PCCA: variants seen among roughly 807,000 people sequenced by gnomAD.
PCCA encodes the protein propionyl-CoA carboxylase subunit alpha.
A neutral mutation model predicts 101.3 loss-of-function variants in PCCA; 74 were observed. The ratio of observed to expected loss-of-function variants is 0.73; its 90% CI spans 0.61 to 0.89. The LOEUF (loss-of-function observed/expected upper bound fraction) is 0.89, where lower values mean the gene tolerates loss of function less well. Ranked by LOEUF, PCCA falls within the 40% of genes least tolerant of loss-of-function variation. The pLI is 0.00. For missense variants in PCCA, 891 were observed against 907.0 expected, an observed-to-expected ratio of 0.98 and a Z score of 0.23; for synonymous variants, 294 against 313.6, an observed-to-expected ratio of 0.94 and a Z score of 0.66.
chr13:100,326,714 G>T (rs1052719636), intron 16 of PCCA, among the ~76,000 whole-genome samples: 8 of 151,900 alleles, frequency 5.3e-5, no homozygotes, highest in African/African-American at 1.7e-4. Context: ...ACCTGAAGAG[G>T]AGGAGGAAGA....
At position 100,197,285 on chromosome 13, in the gene PCCA, G is replaced by A. The variant is rs572933115; in HGVS notation, c.469-12047G>A. Among the ~76,000 whole-genome samples the A allele has an allele frequency of 8.5e-5, 13 of 152,194 alleles. No individual in the cohort carries two copies. The East Asian group carries it at 2.5e-3, about 29-fold the overall frequency. On this transcript the variant is annotated intron_variant, in intron 6 of 23. Transcript: ENST00000376285. Reference sequence around the variant, plus strand: ...TGCAGTGGTGTGAACATGGCTCACTGCAGCCTTGACCTCCTGGGCTCAAGC... The same window carrying A: ...TGCAGTGGTGTGAACATGGCTCACTACAGCCTTGACCTCCTGGGCTCAAGC...
Position 100,465,022 on chromosome 13 carries a change from CTTTAA to C in PCCA, c.1899+15722_1899+15726del, listed in dbSNP as rs1049440904. Among the ~76,000 whole-genome samples, 21 of 152,196 alleles carry C rather than the reference CTTTAA, an allele frequency of 1.4e-4. No homozygotes were observed. The South Asian group carries it at 1.5e-3, about 11-fold the overall frequency. On this transcript the variant is annotated intron_variant, in intron 21 of 23. Transcript: ENST00000376285. ...ACCTATGAATTATTTGATTGTCACT[CTTTAA>C]TTTATAGTGAGAAGGAAGTGGGAAT...
chr13:100,366,149 C>G (rs908543507), intron 18 of PCCA, among the ~76,000 whole-genome samples: 2 of 152,128 alleles, frequency 1.3e-5, no homozygotes, highest in African/African-American at 4.8e-5. Context: ...TCAAGAAAGC[C>G]AAGTTGCACG....
At chr13:100,456,702 T>C (rs7999397) in intron 21 of PCCA, among the ~76,000 whole-genome samples, 217 of 152,300 alleles carry the variant, frequency 1.4e-3, no homozygotes, top group African/African-American at 4.9e-3. Flanking sequence ...TATGCACTTA[T>C]AAGAAAGATC....
intron 7 of PCCA, among the ~76,000 whole-genome samples, chr13:100,227,729 C>T (rs1245777673): frequency 6.6e-6 from 1 of 152,132 alleles, no homozygotes; most frequent in Non-Finnish European, 1.5e-5. Flanking sequence ...GCTGGGATTA[C>T]AGAAAGAATG....
chr13:100,311,491 C>T (rs1379389148), intron 16 of PCCA, among the ~76,000 whole-genome samples: 1 of 152,074 alleles, frequency 6.6e-6, no homozygotes, highest in East Asian at 1.9e-4. Context: ...GAATCAAGGC[C>T]AGGCGTGGTG....
chr13:100,512,985 G>A (rs2086593060), intron 21 of PCCA, among the ~76,000 whole-genome samples: 1 of 152,186 alleles, frequency 6.6e-6, no homozygotes, highest in Non-Finnish European at 1.5e-5. Flanking sequence ...AGCTTGGAAG[G>A]CCCTGGTGTA....
At chr13:100,091,666 C>A (rs1401294662) in intron 1 of PCCA, among the ~76,000 whole-genome samples, 2 of 152,126 alleles carry the variant, frequency 1.3e-5, no homozygotes, top group African/African-American at 4.8e-5. Context: ...TGAAAAGCAG[C>A]CAGCTAACTC....
At chr13:100,111,738 G>C in intron 2 of PCCA, 103 bp from the exon 3 acceptor site, 1 of 718,774 alleles carries the variant, frequency 1.4e-6, no homozygotes, top group Non-Finnish European at 2.5e-6. Context: ...TGTTTATTAG[G>C]GTTATATTCA....
chr13:100,097,024 G>T (rs2046832800), intron 1 of PCCA, among the ~76,000 whole-genome samples: 1 of 152,158 alleles, frequency 6.6e-6, no homozygotes, highest in African/African-American at 2.4e-5. Flanking sequence ...TCAGATGATT[G>T]TTAGCATTTT....
intron 9 of PCCA, 122 bp from the exon 10 acceptor site, chr13:100,262,607 T>A: frequency 4.4e-6 from 3 of 684,856 alleles, no homozygotes; most frequent in Non-Finnish European, 7.8e-6. Context: ...ATTTAATCGA[T>A]TGTGTTTTCT....
At chr13:100,262,958 T>A (rs978259802) in intron 10 of PCCA, 127 bp downstream of exon 10, 1 of 611,188 alleles carries the variant, frequency 1.6e-6, no homozygotes, top group Non-Finnish European at 2.9e-6. Flanking sequence ...GTACTTTCCG[T>A]TAAAGTGCTA....
chr13:100,412,244 C>T (rs2078098726), intron 19 of PCCA, among the ~76,000 whole-genome samples: 1 of 152,174 alleles, frequency 6.6e-6, no homozygotes, highest in South Asian at 2.1e-4. Flanking sequence ...ATCTAGTTCA[C>T]AGACTCTGTT....
chr13:100,145,965 C>T (rs1428853901), intron 4 of PCCA, among the ~76,000 whole-genome samples: 2 of 146,094 alleles, frequency 1.4e-5, no homozygotes, highest in African/African-American at 5.0e-5. Flanking sequence ...GAGACAGAGT[C>T]TCACTCTATC....
chr13:100,439,911 T>C (rs1461899612), intron 20 of PCCA, among the ~76,000 whole-genome samples: 1 of 152,054 alleles, frequency 6.6e-6, no homozygotes, highest in Non-Finnish European at 1.5e-5. Context: ...GACTTTTTTC[T>C]TTCTATTTCT....
At chr13:100,511,658 TG>T (rs1179516505) in intron 21 of PCCA, among the ~76,000 whole-genome samples, 1 of 152,196 alleles carries the variant, frequency 6.6e-6, no homozygotes, top group Admixed American at 6.5e-5. Context: ...AAATGGAAAC[TG>T]GAAGTGAGCC....
intron 21 of PCCA, among the ~76,000 whole-genome samples, chr13:100,514,023 C>T (rs919134327): frequency 6.6e-6 from 1 of 152,258 alleles, no homozygotes; most frequent in Admixed American, 6.5e-5. Flanking sequence ...TCCCTCTGCC[C>T]AGAATGTTTA....
intron 6 of PCCA, among the ~76,000 whole-genome samples, chr13:100,169,785 C>T (rs889865465): frequency 6.6e-5 from 10 of 151,804 alleles, no homozygotes; most frequent in South Asian, 2.1e-4. Context: ...CTACAGACTC[C>T]GCCTCCCAGG....
chr13:100,377,752 C>G (rs1453166808), intron 19 of PCCA, among the ~76,000 whole-genome samples: 4 of 152,124 alleles, frequency 2.6e-5, no homozygotes, highest in Non-Finnish European at 5.9e-5. Context: ...CCTCAGCCTC[C>G]CAAAGTGTTG....
Sources: allele counts gnomAD v4.1 joint callset (sites outside exome capture counted in the v4.1 genomes callset), GRCh38; gene constraint gnomAD v4.1.1; transcripts MANE v1.5; gene names NCBI Gene and HGNC (gene_info 2026-07-23, HGNC 2026-07-21).